The following MARK2 variants were observed in gnomAD, a reference collection of about 807,000 sequenced individuals.
MARK2 encodes the protein serine/threonine-protein kinase MARK2.
In MARK2, 16 loss-of-function variants were observed where a neutral mutation model predicts 89.8. The ratio of observed to expected loss-of-function variants is 0.18; its 90% CI spans 0.12 to 0.27. The LOEUF (loss-of-function observed/expected upper bound fraction) is 0.27. Among genes scored for constraint, MARK2 ranks in the 10% least tolerant of loss-of-function variants. The pLI, the probability that MARK2 is intolerant of heterozygous loss-of-function variation, is 1.00. For missense variants in MARK2, 621 were observed against 1,049.9 expected (o/e 0.59, Z 5.65); for synonymous variants, 382 against 399.5 (o/e 0.96, Z 0.52).
intron 1 of MARK2, among the ~76,000 whole-genome samples, chr11:63,870,975 G>A (rs1938411322): frequency 6.6e-6 from 1 of 152,128 alleles, no homozygotes; most frequent in South Asian, 2.1e-4. Context: ...GCAGGGAAGG[G>A]GAGACAGCCA....
At chr11:63,840,557 A>G (rs1203810358) in intron 1 of MARK2, among the ~76,000 whole-genome samples, 2 of 152,192 alleles carry the variant, frequency 1.3e-5, no homozygotes, top group Non-Finnish European at 2.9e-5. Context: ...AACACAAACC[A>G]TGATGACTTT....
intron 1 of MARK2, among the ~76,000 whole-genome samples, chr11:63,854,596 A>G (rs1295059190): frequency 6.6e-6 from 1 of 151,732 alleles, no homozygotes; most frequent in Admixed American, 6.6e-5. Flanking sequence ...ACACTTTCGG[A>G]GGCCAAGGCG....
In MARK2 at chr11:63,902,392, G is replaced by C. The variant is rs1444852422; in HGVS notation, c.1234+62G>C. On this transcript the variant is annotated intron_variant, in intron 12 of 18. Coordinates refer to ENST00000402010, the MANE Select transcript of MARK2 (RefSeq NM_001039469.3). The surrounding 1 kb of genome is among the most constrained non-coding windows in gnomAD (Gnocchi z 4.2). Reference sequence around the variant, plus strand: ...CCTCTCCAGAGAGGTTACAGGTTCTGTGGGGACTTGGGTAACACAACTAAG... The same window carrying C: ...CCTCTCCAGAGAGGTTACAGGTTCTCTGGGGACTTGGGTAACACAACTAAG... 3 of 1,600,128 alleles carry C rather than the reference G, an allele frequency of 1.9e-6. No individual in the cohort carries two copies. The highest frequency in any genetic ancestry group is 2.7e-5 in the African/African-American group (2 of 74,674).
In MARK2 at chr11:63,839,346, C is replaced by T. The variant is rs1275101755; in HGVS notation, c.-161C>T. ...GCGGCCTAGCCCGAGCGGCGCATCC[C>T]CGGGCTGGCGTGAGCGGCTGCCCGG... On this transcript the variant is annotated 5_prime_UTR_variant, in exon 1 of 19. Transcript: ENST00000402010. 2 of 513,030 alleles carry T rather than the reference C, an allele frequency of 3.9e-6. No individual in the cohort carries two copies. Among genetic ancestry groups the T allele is most frequent in the South Asian group, 2.7e-5 (1 of 37,332 alleles). 31.8% of individuals were successfully genotyped at this position (513,030 alleles called of 1,614,324 possible). A position where few individuals can be genotyped will look rare whatever the true frequency, so the allele number is the denominator to read the frequency against.
intron 1 of MARK2, chr11:63,868,966 T>C: frequency 2.3e-6 from 1 of 438,598 alleles, no homozygotes; most frequent in South Asian, 1.6e-5. Flanking sequence ...CTTTTCCTGA[T>C]TGACCCATGA....
At chr11:63,888,632 C>G (rs1939561102) in intron 1 of MARK2, 1 of 1,155,968 alleles carries the variant, frequency 8.7e-7, no homozygotes, top group Non-Finnish European at 1.1e-6. Flanking sequence ...TCCTGACCAC[C>G]AGGCTCTGGC....
At position 63,900,189 on chromosome 11, in the gene MARK2, C is replaced by T. The variant is rs927543248; in HGVS notation, c.768+79C>T. The T allele has an allele frequency of 1.7e-4, 187 of 1,078,976 alleles. No individual in the cohort carries two copies. The highest frequency in any genetic ancestry group is 2.5e-4 in the Non-Finnish European group (179 of 708,144). 66.8% of individuals were successfully genotyped at this position (1,078,976 alleles called of 1,614,324 possible). On this transcript the variant is annotated intron_variant, in intron 8 of 18. Coordinates refer to ENST00000402010, the MANE Select transcript of MARK2 (RefSeq NM_001039469.3). This position sits in a 1 kb window ranked among gnomAD's most constrained non-coding sequence, Gnocchi z 4.7. ...CTTAGCCCTGACCTCCTGCCTTTGC[C>T]ACCTGTCTACATTTGTCCCAAGCCA... is the stretch of plus-strand genomic sequence containing the variant.
At chr11:63,857,477 G>A (rs201291161) in intron 1 of MARK2, among the ~76,000 whole-genome samples, 2 of 152,196 alleles carry the variant, frequency 1.3e-5, no homozygotes, top group East Asian at 1.9e-4. Flanking sequence ...CACCGCCCCA[G>A]CCTGTTTTTT....
At chr11:63,846,378 C>T (rs2016277170) in intron 1 of MARK2, among the ~76,000 whole-genome samples, 1 of 151,628 alleles carries the variant, frequency 6.6e-6, no homozygotes, top group Non-Finnish European at 1.5e-5. Flanking sequence ...TTTTTTGAGA[C>T]GGAGTCTTGC....
intron 1 of MARK2, among the ~76,000 whole-genome samples, chr11:63,874,370 T>C (rs1565114434): frequency 6.6e-6 from 1 of 152,166 alleles, no homozygotes; most frequent in African/African-American, 2.4e-5. Flanking sequence ...CCTTAAGACA[T>C]CTCCTCTTTT....
At chr11:63,879,063 G>T (rs756160559) in intron 1 of MARK2, among the ~76,000 whole-genome samples, 57 of 152,236 alleles carry the variant, frequency 3.7e-4, no homozygotes, top group Non-Finnish European at 6.5e-4. Context: ...CCAGCACTTT[G>T]GGAGGCCGAG....
Position 63,909,013 on chromosome 11 carries a change from C to T in MARK2, c.2143C>T (p.Arg715Cys). Reference protein sequence around the residue: ...MEPNEMMREIRKVLDANSCQS... With the variant: ...MEPNEMMREICKVLDANSCQS... ...GCCCAACGAGATGATGCGGGAGATC[C>T]GCAAGGTGCTGGACGCGAACAGCTG... is the stretch of plus-strand genomic sequence containing the variant. Residue 715 changes from arginine (R) to cysteine (C), a missense_variant, in exon 19 of 19, where the codon CGC (arginine) becomes TGC (cysteine). Arg to Cys is a radical substitution (Grantham distance 180, BLOSUM62 -3). Around this residue, in one of 5 missense-constraint regions of MARK2, gnomAD observed 49 missense variants for 46.7 expected, o/e 1.05. Transcript: ENST00000402010. 2 of 1,586,506 alleles carry T rather than the reference C, an allele frequency of 1.3e-6. No homozygotes were observed. The highest frequency in any genetic ancestry group is 1.7e-5 in the Admixed American group (1 of 59,318).
intron 1 of MARK2, among the ~76,000 whole-genome samples, chr11:63,872,521 G>A (rs1161229678): frequency 6.6e-6 from 1 of 152,146 alleles, no homozygotes; most frequent in Non-Finnish European, 1.5e-5. Flanking sequence ...GCCAGGGAGT[G>A]AGTTTTGTTT....
rs544635488 is a variant in MARK2, at chr11:63,902,365, C to T, written c.1234+35C>T. 1.9e-5 allele frequency: 30 copies of T among 1,612,686 alleles called. No individual in the cohort carries two copies. The Admixed American group carries it at 4.3e-4, about 23-fold the overall frequency. ...TTTGGGAGTTGTAGGTGGGGACTCA[C>T]CCCTCTCCAGAGAGGTTACAGGTTC... On this transcript the variant is annotated intron_variant, in intron 12 of 18. Transcript: ENST00000402010. The surrounding 1 kb of genome is among the most constrained non-coding windows in gnomAD (Gnocchi z 4.2).
chr11:63,904,193 C>G lies in MARK2; in HGVS notation c.1676+46C>G. 6.8e-7 allele frequency: 1 copy of G among 1,473,246 alleles called. No homozygotes were observed. Among genetic ancestry groups the G allele is most frequent in the Non-Finnish European group, 9.0e-7 (1 of 1,111,266 alleles). The allele number at this position is 1,473,246 out of a possible 1,614,324, so 91.3% of individuals were successfully genotyped here. ...GGTGCACCTGCTGCCCTCAGCCCAC[C>G]CTACCCCCTTGCCCCAACAATTTCT... On this transcript the variant is annotated intron_variant, in intron 15 of 18. Coordinates refer to ENST00000402010, the MANE Select transcript of MARK2 (RefSeq NM_001039469.3). This position sits in a 1 kb window ranked among gnomAD's most constrained non-coding sequence, Gnocchi z 6.3.
chr11:63,877,675 G>A (rs2135279964), intron 1 of MARK2, among the ~76,000 whole-genome samples: 1 of 152,196 alleles, frequency 6.6e-6, no homozygotes, highest in East Asian at 1.9e-4. Flanking sequence ...ACTCCAGCAT[G>A]GTGACAGAGA....
At chr11:63,877,136 G>T (rs1590607333) in intron 1 of MARK2, among the ~76,000 whole-genome samples, 1 of 121,510 alleles carries the variant, frequency 8.2e-6, no homozygotes, top group South Asian at 2.6e-4. Context: ...TTGAGACGGA[G>T]TCTTGCTCTG....
At chr11:63,878,998 G>T in intron 1 of MARK2, among the ~76,000 whole-genome samples, 1 of 152,114 alleles carries the variant, frequency 6.6e-6, no homozygotes, top group Non-Finnish European at 1.5e-5. Flanking sequence ...ATTTGCCTGT[G>T]GAAGTGTCTC....
intron 1 of MARK2, among the ~76,000 whole-genome samples, chr11:63,853,255 C>G (rs1209649716): frequency 6.6e-6 from 1 of 152,058 alleles, no homozygotes; most frequent in Non-Finnish European, 1.5e-5. Flanking sequence ...AAAAATTAGC[C>G]AGGCGTGGTG....
Sources: allele counts gnomAD v4.1 joint callset (sites outside exome capture counted in the v4.1 genomes callset), GRCh38; gene constraint gnomAD v4.1.1; regional missense constraint gnomAD v4.1.1; non-coding constraint Gnocchi (gnomAD v3.1); transcripts MANE v1.5; gene names NCBI Gene and HGNC (gene_info 2026-07-23, HGNC 2026-07-21).